Variants in RPS6KC1 observed in about 807,000 individuals in gnomAD.
RPS6KC1 encodes inactive ribosomal protein S6 kinase delta-1.
A neutral mutation model predicts 103.8 loss-of-function variants in RPS6KC1; 54 were observed. The ratio of observed to expected loss-of-function variants is 0.52; its 90% CI spans 0.42 to 0.65. The LOEUF is 0.65. Ranked by LOEUF, RPS6KC1 falls within the 30% of genes least tolerant of loss-of-function variation. RPS6KC1 has a pLI of 0.00. For synonymous variants in RPS6KC1, 439 were observed against 438.7 expected, an observed-to-expected ratio of 1.00 and a Z score of -0.01; for missense variants, 1,151 against 1,253.8, an observed-to-expected ratio of 0.92 and a Z score of 1.24.
the RPS6KC1 span, among the ~76,000 whole-genome samples, chr1:213,465,474 C>T: frequency 3.3e-5 from 5 of 152,134 alleles, no homozygotes; most frequent in Non-Finnish European, 7.4e-5. Flanking sequence ...TGCCAGTTTC[C>T]TCGCCAATCA....
chr1:213,146,770 G>T lies in RPS6KC1; in HGVS notation c.835+16881G>T, dbSNP rs565581336. 5.2e-4 allele frequency among the ~76,000 whole-genome samples: 79 copies of T among 151,472 alleles called. 1 individual carries two copies. Among genetic ancestry groups the T allele is most frequent in the African/African-American group, 1.9e-3 (78 of 41,420 alleles). Reference sequence around the variant, plus strand: ...TTTTTTGAGGAACCTCCAAACTGTTGAACTATGTACAACATAGTGCTTGTA... The same window carrying T: ...TTTTTTGAGGAACCTCCAAACTGTTTAACTATGTACAACATAGTGCTTGTA... On this transcript the variant is annotated intron_variant, in intron 6 of 14. Coordinates refer to ENST00000366960, the MANE Select transcript of RPS6KC1 (RefSeq NM_012424.6).
At chr1:213,824,597 T>C in the RPS6KC1 span, among the ~76,000 whole-genome samples, 1 of 152,192 alleles carries the variant, frequency 6.6e-6, no homozygotes, top group Non-Finnish European at 1.5e-5. Flanking sequence ...TTGGAGGTAA[T>C]TGAATCATGG....
At chr1:213,054,033 G>A (rs745728955) in intron 1 of RPS6KC1, among the ~76,000 whole-genome samples, 1 of 151,872 alleles carries the variant, frequency 6.6e-6, no homozygotes, top group African/African-American at 2.4e-5. Context: ...ACGAGGTTTC[G>A]CCTTGTTGTC....
At chr1:213,720,960 A>G in the RPS6KC1 span, among the ~76,000 whole-genome samples, 1 of 152,242 alleles carries the variant, frequency 6.6e-6, no homozygotes, top group Non-Finnish European at 1.5e-5. Context: ...AGTTAATTTA[A>G]CATTCTGGTT....
chr1:213,492,753 GCTGTGAACAATT>G, the RPS6KC1 span, among the ~76,000 whole-genome samples: 4 of 152,286 alleles, frequency 2.6e-5, no homozygotes, highest in African/African-American at 9.6e-5. Flanking sequence ...TTATAAACTG[GCTGTGAACAATT>G]CTGTCCCCAT....
chr1:213,758,147 A>G, the RPS6KC1 span, among the ~76,000 whole-genome samples: 1 of 152,356 alleles, frequency 6.6e-6, no homozygotes, highest in South Asian at 2.1e-4. Flanking sequence ...AGCAATTTAG[A>G]CTTTCAAGTC....
At chr1:213,432,370 A>G in the RPS6KC1 span, among the ~76,000 whole-genome samples, 2 of 152,220 alleles carry the variant, frequency 1.3e-5, no homozygotes, top group Admixed American at 6.5e-5. Context: ...ATTCAGCATT[A>G]TAAATATATT....
the RPS6KC1 span, among the ~76,000 whole-genome samples, chr1:213,623,237 A>G: frequency 2.6e-5 from 4 of 152,224 alleles, no homozygotes; most frequent in Non-Finnish European, 4.4e-5. Context: ...GTTTTCAGAC[A>G]CATCAATCAG....
At chr1:213,655,130 C>G in the RPS6KC1 span, among the ~76,000 whole-genome samples, 1 of 152,350 alleles carries the variant, frequency 6.6e-6, no homozygotes, top group African/African-American at 2.4e-5. Context: ...GCAGCCTCCC[C>G]CTCCCAGGCT....
intron 6 of RPS6KC1, among the ~76,000 whole-genome samples, chr1:213,149,230 C>A (rs1032910345): frequency 6.6e-6 from 1 of 151,906 alleles, no homozygotes; most frequent in Non-Finnish European, 1.5e-5. Context: ...TCTTGCTTTT[C>A]TAGTTGTGTA....
At chr1:213,505,965 G>A in the RPS6KC1 span, among the ~76,000 whole-genome samples, 3 of 152,164 alleles carry the variant, frequency 2.0e-5, no homozygotes, top group South Asian at 6.2e-4. Context: ...TTTGTGTCAG[G>A]CCATCCTGTA....
chr1:213,235,389 G>C (rs929383233), intron 10 of RPS6KC1, among the ~76,000 whole-genome samples: 1 of 152,084 alleles, frequency 6.6e-6, no homozygotes, highest in African/African-American at 2.4e-5. Context: ...AAATATTTAA[G>C]TAAATATATG....
At chr1:213,104,406 A>G in intron 3 of RPS6KC1, 48 bp from the exon 4 acceptor site, 1 of 1,210,772 alleles carries the variant, frequency 8.3e-7, no homozygotes, top group African/African-American at 1.5e-5. Flanking sequence ...ATCATAAACC[A>G]GTGTTTGATC....
At chr1:213,219,855 T>G (rs987093880) in intron 8 of RPS6KC1, among the ~76,000 whole-genome samples, 94 of 69,352 alleles carry the variant, frequency 1.4e-3, no homozygotes, top group African/African-American at 5.1e-3. Context: ...CGGGGCCTGT[T>G]GTGGGGTGGG....
chr1:213,793,983 T>C, the RPS6KC1 span, among the ~76,000 whole-genome samples: 1 of 152,128 alleles, frequency 6.6e-6, no homozygotes, highest in South Asian at 2.1e-4. Flanking sequence ...GACTTCAAGG[T>C]TATGTGATTA....
chr1:213,179,849 T>C (rs1164651782), intron 8 of RPS6KC1, among the ~76,000 whole-genome samples: 1 of 152,208 alleles, frequency 6.6e-6, no homozygotes, highest in African/African-American at 2.4e-5. Flanking sequence ...CTAGAATCGC[T>C]TGGCACATAA....
the RPS6KC1 span, among the ~76,000 whole-genome samples, chr1:213,555,580 G>A: frequency 6.6e-6 from 1 of 152,174 alleles, no homozygotes; most frequent in Non-Finnish European, 1.5e-5. Flanking sequence ...CTTCTGAGTA[G>A]TGCTATTTCT....
chr1:213,367,848 A>C, the RPS6KC1 span, among the ~76,000 whole-genome samples: 2 of 152,206 alleles, frequency 1.3e-5, no homozygotes, highest in Non-Finnish European at 2.9e-5. Flanking sequence ...AAATAGTAGA[A>C]AGGATTATGG....
chr1:213,395,981 G>A, the RPS6KC1 span, among the ~76,000 whole-genome samples: 17 of 152,300 alleles, frequency 1.1e-4, no homozygotes, highest in South Asian at 2.5e-3. Context: ...GAAAGGATTC[G>A]GGATTCGATA....
Sources: allele counts gnomAD v4.1 joint callset (sites outside exome capture counted in the v4.1 genomes callset), GRCh38; gene constraint gnomAD v4.1.1; transcripts MANE v1.5; gene names NCBI Gene and HGNC (gene_info 2026-07-23, HGNC 2026-07-21).